The following CPM variants were observed in gnomAD, a reference collection of about 807,000 sequenced individuals.
CPM encodes carboxypeptidase M.
CPM carries 35 observed loss-of-function variants against 46.4 expected under a neutral mutation model. The observed-to-expected ratio is 0.75, with a 90% CI of 0.58 to 1.00. The LOEUF is 1.00. Among genes scored for constraint, CPM ranks in the 50% least tolerant of loss-of-function variants. The probability of loss-of-function intolerance (pLI) is 0.00; values close to 1 mark genes in which losing one functional copy is unlikely to be tolerated. For synonymous variants in CPM, 195 were observed against 195.3 expected, an observed-to-expected ratio of 1.00 and a Z score of 0.01; for missense variants, 422 against 530.4, an observed-to-expected ratio of 0.80 and a Z score of 2.01.
intron 2 of CPM, among the ~76,000 whole-genome samples, chr12:68,891,072 A>G (rs955367063): frequency 1.3e-5 from 2 of 152,282 alleles, no homozygotes; most frequent in Non-Finnish European, 2.9e-5. Context: ...ACTGAGTTTC[A>G]GTTTCTTCCA....
At chr12:68,870,514 G>T in intron 4 of CPM, 115 bp from the exon 5 acceptor site, 1 of 864,320 alleles carries the variant, frequency 1.2e-6, no homozygotes, top group Non-Finnish European at 1.8e-6. Flanking sequence ...GAGTATGGGT[G>T]TGGTGGATGG....
At chr12:68,918,091 G>A (rs1434989902) in intron 2 of CPM, among the ~76,000 whole-genome samples, 1 of 152,042 alleles carries the variant, frequency 6.6e-6, no homozygotes, top group East Asian at 1.9e-4. Context: ...TCACTAGTAG[G>A]TGGTCATGGT....
At chr12:68,934,855 T>C (rs1888642633), upstream of CPM, among the ~76,000 whole-genome samples, 1 of 152,214 alleles carries the variant, frequency 6.6e-6, no homozygotes, top group African/African-American at 2.4e-5. Context: ...ACCAGCTTAA[T>C]TCGTAACTCT....
chr12:68,868,836 A>C (rs1885569321), intron 6 of CPM, among the ~76,000 whole-genome samples: 1 of 152,116 alleles, frequency 6.6e-6, no homozygotes, highest in South Asian at 2.1e-4. Context: ...GCTGCATGAC[A>C]ATAATTAGCT....
chr12:68,919,590 T>C (rs1182289809), intron 2 of CPM, among the ~76,000 whole-genome samples: 1 of 152,186 alleles, frequency 6.6e-6, no homozygotes, highest in Non-Finnish European at 1.5e-5. Flanking sequence ...TGCCATAGAG[T>C]TTGGAAACAC....
At chr12:68,886,380 C>G (rs998782179) in intron 2 of CPM, among the ~76,000 whole-genome samples, 1 of 151,698 alleles carries the variant, frequency 6.6e-6, no homozygotes, top group African/African-American at 2.4e-5. Flanking sequence ...CGCCTGTAAT[C>G]CCAGCACTCT....
intron 2 of CPM, among the ~76,000 whole-genome samples, chr12:68,907,282 A>G (rs1887391696): frequency 6.6e-6 from 1 of 152,208 alleles, no homozygotes; most frequent in Admixed American, 6.5e-5. Flanking sequence ...GAAATAGCCA[A>G]TTTGGAGGGC....
intron 1 of CPM, among the ~76,000 whole-genome samples, chr12:68,952,333 TG>T (rs1226579431): frequency 6.6e-6 from 1 of 152,194 alleles, no homozygotes; most frequent in Non-Finnish European, 1.5e-5. Context: ...GAGGTTACTT[TG>T]TTCTGGCATT....
rs746659021 is a variant in CPM at position 68,871,915 on chromosome 12, G to A, written c.300C>T (p.Leu100=). The A allele has an allele frequency of 2.4e-5, 38 of 1,613,972 alleles. No individual in the cohort carries two copies. Among genetic ancestry groups the A allele is most frequent in the Middle Eastern group, 1.6e-4 (1 of 6,084 alleles). ...CAGGGTCTTTGCCATCACTGGTTAC[G>A]AGATAGTCAATCAGATGGAGCAGCA... ...RELLLHLIDY[L]VTSDGKDPEI... The change falls in exon 4 of 9, where the codon CTC becomes CTT. Residue 100 remains leucine, a synonymous_variant. Coordinates refer to ENST00000551568, the MANE Select transcript of CPM (RefSeq NM_198320.5).
At chr12:68,941,314 G>A (rs902194842) in intron 1 of CPM, among the ~76,000 whole-genome samples, 1 of 151,930 alleles carries the variant, frequency 6.6e-6, no homozygotes, top group African/African-American at 2.4e-5. Context: ...AGCATCAAAT[G>A]GTCGCTCAGA....
intron 2 of CPM, among the ~76,000 whole-genome samples, chr12:68,886,473 A>G (rs1886435602): frequency 6.6e-6 from 1 of 152,040 alleles, no homozygotes; most frequent in African/African-American, 2.4e-5. Flanking sequence ...TCTACTAAAT[A>G]TACAAAAAAT....
chr12:68,908,618 C>CA (rs1887451177), intron 2 of CPM, among the ~76,000 whole-genome samples: 1 of 151,998 alleles, frequency 6.6e-6, no homozygotes, highest in African/African-American at 2.4e-5. Flanking sequence ...ACTCGATTCC[C>CA]AAAAATAGAT....
intron 1 of CPM, among the ~76,000 whole-genome samples, chr12:68,961,494 G>A (rs1889111756): frequency 6.6e-6 from 1 of 152,172 alleles, no homozygotes; most frequent in African/African-American, 2.4e-5. Flanking sequence ...GTTTCACCAT[G>A]TTGCCCAGGT....
chr12:68,866,806 TA>T, intron 7 of CPM, 89 bp downstream of exon 7: 1 of 1,105,032 alleles, frequency 9.0e-7, no homozygotes, highest in Non-Finnish European at 1.3e-6. Context: ...CTACAAAGCA[TA>T]AATAAAGGCT....
intron 1 of CPM, among the ~76,000 whole-genome samples, chr12:68,945,739 G>A (rs1888835483): frequency 6.6e-6 from 1 of 151,920 alleles, no homozygotes; most frequent in East Asian, 1.9e-4. Context: ...CTGAAGCCTT[G>A]AGGGATTCAG....
chr12:68,956,355 T>C (rs1393411213), intron 1 of CPM, among the ~76,000 whole-genome samples: 2 of 152,190 alleles, frequency 1.3e-5, no homozygotes, highest in Admixed American at 6.5e-5. Context: ...GCTGGGCAGC[T>C]GCAGCTGCAC....
At chr12:68,903,425 C>T (rs1409368964) in intron 2 of CPM, among the ~76,000 whole-genome samples, 2 of 152,152 alleles carry the variant, frequency 1.3e-5, no homozygotes, top group African/African-American at 2.4e-5. Flanking sequence ...ACATGGGCAC[C>T]GCCACTGAAC....
At chr12:68,961,492 A>G (rs2136341336) in intron 1 of CPM, among the ~76,000 whole-genome samples, 1 of 152,310 alleles carries the variant, frequency 6.6e-6, no homozygotes, top group South Asian at 2.1e-4. Context: ...AGGTTTCACC[A>G]TGTTGCCCAG....
chr12:68,886,467 C>T (rs1386436003), intron 2 of CPM, among the ~76,000 whole-genome samples: 1 of 152,006 alleles, frequency 6.6e-6, no homozygotes, highest in Non-Finnish European at 1.5e-5. Flanking sequence ...CCCGTCTCTA[C>T]TAAATATACA....
Sources: allele counts gnomAD v4.1 joint callset (sites outside exome capture counted in the v4.1 genomes callset), GRCh38; gene constraint gnomAD v4.1.1; transcripts MANE v1.5; gene names NCBI Gene and HGNC (gene_info 2026-07-23, HGNC 2026-07-21).